GLRA1: variants seen among roughly 807,000 people sequenced by gnomAD.
GLRA1 encodes the protein glycine receptor alpha 1.
A neutral mutation model predicts 48.3 loss-of-function variants in GLRA1; 37 were observed. That is an observed-to-expected ratio of 0.77 (90% CI 0.59 to 1.01). The LOEUF (loss-of-function observed/expected upper bound fraction) is 1.01. Among genes scored for constraint, GLRA1 ranks in the 50% least tolerant of loss-of-function variants. The pLI is 0.00. For missense variants in GLRA1, 427 were observed against 571.0 expected (o/e 0.75, Z 2.57); for synonymous variants, 196 against 210.7 (o/e 0.93, Z 0.60).
chr5:151,838,406 T>G (rs923540272), intron 7 of GLRA1, among the ~76,000 whole-genome samples: 1 of 151,880 alleles, frequency 6.6e-6, no homozygotes, highest in African/African-American at 2.4e-5. Flanking sequence ...GAGGCAGAGA[T>G]TGTAGTGAGC....
intron 1 of GLRA1, among the ~76,000 whole-genome samples, chr5:151,920,170 A>C (rs572872745): frequency 2.2e-4 from 34 of 152,346 alleles, no homozygotes; most frequent in African/African-American, 7.9e-4. Flanking sequence ...CCACTGGTCA[A>C]TTCATCCTGA....
At chr5:151,855,256 A>G (rs1753009753) in intron 5 of GLRA1, 79 bp from the exon 6 acceptor site, 1 of 1,343,982 alleles carries the variant, frequency 7.4e-7, no homozygotes, top group African/African-American at 1.4e-5. Flanking sequence ...TTAGGGTTAG[A>G]GACTGAGAGA....
At chr5:151,836,862 C>T (rs1763589774) in intron 7 of GLRA1, among the ~76,000 whole-genome samples, 1 of 152,104 alleles carries the variant, frequency 6.6e-6, no homozygotes, top group Non-Finnish European at 1.5e-5. Flanking sequence ...TAGGCAATAC[C>T]ATTCAGGACA....
chr5:151,883,684 A>G (rs1753823859), intron 3 of GLRA1, among the ~76,000 whole-genome samples: 1 of 152,272 alleles, frequency 6.6e-6, no homozygotes, highest in Non-Finnish European at 1.5e-5. Flanking sequence ...TGTGTCAGGC[A>G]CTGTGCTTTG....
At chr5:151,854,346 C>G (rs1475055901) in intron 6 of GLRA1, among the ~76,000 whole-genome samples, 1 of 152,244 alleles carries the variant, frequency 6.6e-6, no homozygotes, top group African/African-American at 2.4e-5. Flanking sequence ...ACCTCCTCCT[C>G]TTGCTGGCTT....
chr5:151,882,927 G>A (rs1487647247), intron 3 of GLRA1, among the ~76,000 whole-genome samples: 2 of 151,950 alleles, frequency 1.3e-5, no homozygotes, highest in Non-Finnish European at 2.9e-5. Flanking sequence ...ATGTTGTTTT[G>A]TTATAATGTT....
At chr5:151,914,757 G>A (rs1012760244) in intron 1 of GLRA1, among the ~76,000 whole-genome samples, 1 of 152,172 alleles carries the variant, frequency 6.6e-6, no homozygotes, top group African/African-American at 2.4e-5. Context: ...TTATAATGGG[G>A]GTGGGAGCTA....
chr5:151,834,822 T>A (rs1253743286), intron 7 of GLRA1, among the ~76,000 whole-genome samples: 1 of 150,670 alleles, frequency 6.6e-6, no homozygotes, highest in Non-Finnish European at 1.5e-5. Flanking sequence ...GGTCAAGAGA[T>A]CAAGACCATC....
chr5:151,886,827 A>C, intron 2 of GLRA1, 39 bp from the exon 3 acceptor site: 1 of 1,468,650 alleles, frequency 6.8e-7, no homozygotes, highest in East Asian at 2.3e-5. Flanking sequence ...CCCCAAGGCC[A>C]TGGAAGAACC....
At chr5:151,883,295 C>A (rs1753805215) in intron 3 of GLRA1, among the ~76,000 whole-genome samples, 1 of 152,164 alleles carries the variant, frequency 6.6e-6, no homozygotes, top group South Asian at 2.1e-4. Flanking sequence ...GGGAGCTGGG[C>A]ATGGCATGAT....
chr5:151,886,099 A>T (rs1753898418), intron 3 of GLRA1, among the ~76,000 whole-genome samples: 1 of 152,160 alleles, frequency 6.6e-6, no homozygotes, highest in African/African-American at 2.4e-5. Flanking sequence ...GAAAAGTTTT[A>T]AAATATCATT....
intron 7 of GLRA1, among the ~76,000 whole-genome samples, chr5:151,831,852 AG>A: frequency 6.6e-6 from 1 of 152,326 alleles, no homozygotes; most frequent in Non-Finnish European, 1.5e-5. Flanking sequence ...CTCCTGATGG[AG>A]AGACACCTCC....
rs1330911739 is a variant in GLRA1, at chr5:151,886,739, G to A, written c.234C>T (p.Ser78=). ...TACTCACCATGGTTGTCTCAGCAAT[G>A]GAACCAAAGCTGTTGATGAAAATGT... ...SCNIFINSFG[S]IAETTMDYRV... Residue 78 remains serine, a synonymous_variant, in exon 3 of 9, where the codon TCC becomes TCT. Transcript: ENST00000274576. 1 of 1,612,280 alleles carries A rather than the reference G, an allele frequency of 6.2e-7. No homozygotes were observed.
chr5:151,850,300 G>A, intron 7 of GLRA1: 1 of 1,601,084 alleles, frequency 6.2e-7, no homozygotes, highest in Non-Finnish European at 8.5e-7. Flanking sequence ...ACCGGACCCT[G>A]TGAAAGAATC....
intron 8 of GLRA1, 93 bp downstream of exon 8, chr5:151,828,828 G>T: frequency 7.8e-7 from 1 of 1,277,514 alleles, no homozygotes; most frequent in Non-Finnish European, 1.1e-6. Context: ...GAGAAGGATG[G>T]ACCATTGAAA....
chr5:151,868,945 C>A (rs944847373), intron 3 of GLRA1, among the ~76,000 whole-genome samples: 3 of 152,122 alleles, frequency 2.0e-5, no homozygotes, highest in Admixed American at 1.3e-4. Context: ...ATCAGAGCTA[C>A]ATTTGTTGTA....
At chr5:151,847,485 C>T (rs534446455) in intron 7 of GLRA1, among the ~76,000 whole-genome samples, 1 of 152,258 alleles carries the variant, frequency 6.6e-6, no homozygotes, top group South Asian at 2.1e-4. Context: ...CTTTGGGAGG[C>T]CAAGGTGGGT....
intron 6 of GLRA1, among the ~76,000 whole-genome samples, chr5:151,854,574 A>G (rs370784398): frequency 6.6e-6 from 1 of 152,212 alleles, no homozygotes; most frequent in Non-Finnish European, 1.5e-5. Context: ...AAGCTACACC[A>G]TCGTGGCTTC....
At chr5:151,911,612 T>G (rs908110503) in intron 1 of GLRA1, among the ~76,000 whole-genome samples, 6 of 147,092 alleles carry the variant, frequency 4.1e-5, no homozygotes, top group East Asian at 1.9e-4. Context: ...TTTTTTTTTT[T>G]TTTTTTTTTT....
Sources: gnomAD v4.1 joint callset for allele counts (sites outside exome capture counted in the v4.1 genomes callset) on GRCh38, gnomAD v4.1.1 for gene constraint, MANE v1.5 for transcripts, NCBI Gene and HGNC (gene_info 2026-07-23, HGNC 2026-07-21) for gene names.